Variants in FSTL4 observed in about 807,000 individuals in gnomAD.
FSTL4 encodes the protein follistatin-related protein 4.
Under a neutral mutation model 78.2 loss-of-function variants are expected in FSTL4, and 28 were observed. That is an observed-to-expected ratio of 0.36 (90% CI 0.27 to 0.49). The LOEUF is 0.49. Ranked by LOEUF, FSTL4 falls within the 20% of genes least tolerant of loss-of-function variation. FSTL4 has a pLI of 0.98. For synonymous variants in FSTL4, 422 were observed against 440.5 expected, an observed-to-expected ratio of 0.96 and a Z score of 0.53; for missense variants, 922 against 1,084.9, an observed-to-expected ratio of 0.85 and a Z score of 2.11.
At chr5:133,354,937 G>C (rs1227789227) in intron 4 of FSTL4, among the ~76,000 whole-genome samples, 1 of 152,250 alleles carries the variant, frequency 6.6e-6, no homozygotes, top group Non-Finnish European at 1.5e-5. Context: ...CTCTGTGCCT[G>C]CTGGCTCCTG....
chr5:133,250,727 G>A (rs540354999), intron 6 of FSTL4, among the ~76,000 whole-genome samples: 23 of 152,212 alleles, frequency 1.5e-4, no homozygotes, highest in Non-Finnish European at 2.8e-4. Flanking sequence ...GAAAACAGCC[G>A]CAGGTGCAAG....
chr5:133,515,865 T>G (rs890072877), intron 3 of FSTL4, among the ~76,000 whole-genome samples: 2 of 152,148 alleles, frequency 1.3e-5, no homozygotes, highest in African/African-American at 4.8e-5. Flanking sequence ...GCAAACAATA[T>G]TCAACAATTC....
intron 5 of FSTL4, among the ~76,000 whole-genome samples, 186 bp from the exon 6 acceptor site, chr5:133,312,963 G>A (rs1052213870): frequency 1.3e-5 from 2 of 152,214 alleles, no homozygotes; most frequent in African/African-American, 2.4e-5. Flanking sequence ...GGGGTTCAGA[G>A]AGGGGAAGTG....
the FSTL4 span, among the ~76,000 whole-genome samples, chr5:133,702,929 A>C: frequency 6.6e-6 from 1 of 152,158 alleles, no homozygotes; most frequent in African/African-American, 2.4e-5. Context: ...TTCTCCCTAC[A>C]TGGGGACAGA....
At chr5:133,735,306 T>A in the FSTL4 span, among the ~76,000 whole-genome samples, 3 of 152,034 alleles carry the variant, frequency 2.0e-5, no homozygotes, top group South Asian at 6.2e-4. Context: ...CTAGTAAAAA[T>A]ACAAAAATTA....
the FSTL4 span, among the ~76,000 whole-genome samples, chr5:133,692,633 A>G: frequency 0.35 from 53,735 of 151,966 alleles, 10,435 homozygotes; most frequent in African/African-American, 0.52. Context: ...CAGCAAAGGT[A>G]CAAATTCCAT....
chr5:133,356,010 C>T (rs528717759), intron 4 of FSTL4, among the ~76,000 whole-genome samples: 1 of 152,112 alleles, frequency 6.6e-6, no homozygotes, highest in African/African-American at 2.4e-5. Flanking sequence ...AGGCCTCTTA[C>T]AGAGGCTTGG....
chr5:133,571,381 G>C (rs1184908053), intron 2 of FSTL4, among the ~76,000 whole-genome samples: 1 of 152,118 alleles, frequency 6.6e-6, no homozygotes, highest in Non-Finnish European at 1.5e-5. Context: ...CCAGCATCCA[G>C]TCTAAAATTA....
chr5:133,616,727 G>A (rs1053819055), upstream of FSTL4, among the ~76,000 whole-genome samples: 4 of 151,890 alleles, frequency 2.6e-5, no homozygotes, highest in African/African-American at 7.3e-5. Flanking sequence ...CTAAATAAAC[G>A]TTCCTTTCAA....
the FSTL4 span, among the ~76,000 whole-genome samples, chr5:133,664,167 G>A: frequency 6.6e-6 from 1 of 152,086 alleles, no homozygotes; most frequent in Non-Finnish European, 1.5e-5. Flanking sequence ...TTCGAACACA[G>A]ATCAAATGAT....
At chr5:133,770,773 T>C in the FSTL4 span, among the ~76,000 whole-genome samples, 1 of 152,260 alleles carries the variant, frequency 6.6e-6, no homozygotes, top group Non-Finnish European at 1.5e-5. Flanking sequence ...TTTTGTTTGT[T>C]TGAGGACCTG....
At chr5:133,503,555 T>C (rs73788111) in intron 3 of FSTL4, among the ~76,000 whole-genome samples, 2,443 of 152,288 alleles carry the variant, frequency 0.016, 68 homozygotes, top group African/African-American at 0.056. Context: ...CACCTTCCCA[T>C]GAAAGAGGTC....
At chr5:133,360,251 C>T (rs552012423) in intron 4 of FSTL4, among the ~76,000 whole-genome samples, 5 of 152,334 alleles carry the variant, frequency 3.3e-5, no homozygotes, top group African/African-American at 7.2e-5. Flanking sequence ...ACCAGCACCT[C>T]GCTGTTCCTT....
the FSTL4 span, among the ~76,000 whole-genome samples, chr5:133,741,786 A>G: frequency 6.6e-6 from 1 of 152,164 alleles, no homozygotes; most frequent in South Asian, 2.1e-4. Flanking sequence ...CTAACACAGA[A>G]TGGCACAAGG....
Position 133,199,312 on chromosome 5 carries a change from A to G in FSTL4, c.2312T>C (p.Val771Ala), listed in dbSNP as rs757120227. The change falls in exon 16 of 16, where the codon GTG becomes GCG. Residue 771 changes from valine (V) to alanine (A), a missense_variant. By Grantham distance (64) the Val-to-Ala change is moderately conservative. Transcript: ENST00000265342. This position sits in a 1 kb window ranked among gnomAD's most constrained non-coding sequence, Gnocchi z 4.4. ...LLFLELSTGKVGMLKNLKEPP... is the reference protein window; with the variant it reads ...LLFLELSTGKAGMLKNLKEPP... ...CTCCTTTAAGTTCTTCAGCATGCCC[A>G]CCTTCCCCGTGGACAGCTCCAGGAA... The G allele has an allele frequency of 1.1e-5, 17 of 1,613,780 alleles. No homozygotes were observed. The African/African-American group carries it at 1.7e-4, about 16-fold the overall frequency.
At chr5:133,300,010 A>G (rs1250764100) in intron 6 of FSTL4, among the ~76,000 whole-genome samples, 1 of 152,158 alleles carries the variant, frequency 6.6e-6, no homozygotes, top group African/African-American at 2.4e-5. Flanking sequence ...GCCACGGAAC[A>G]TTCCATATTT....
At chr5:133,425,438 A>G (rs1756791840) in intron 3 of FSTL4, among the ~76,000 whole-genome samples, 1 of 152,194 alleles carries the variant, frequency 6.6e-6, no homozygotes, top group Admixed American at 6.5e-5. Flanking sequence ...ACAATGCCCC[A>G]CAGCAGGAGT....
In FSTL4 at chr5:133,561,033, G is replaced by A. The variant is rs1333750766; in HGVS notation, c.160+6153C>T. Among the ~76,000 whole-genome samples the A allele has an allele frequency of 9.9e-5, 15 of 150,936 alleles. No individual in the cohort carries two copies. In the East Asian group the frequency reaches 2.9e-3, roughly 30 times the overall value. On this transcript the variant is annotated intron_variant, in intron 3 of 15. Transcript: ENST00000265342. ...GAACCCGTGAGGCTGAGCTTGCAGTGAGCCGAGATCGCACCACTGCACTCC... is the reference window on the plus strand; with the variant it reads ...GAACCCGTGAGGCTGAGCTTGCAGTAAGCCGAGATCGCACCACTGCACTCC...
At chr5:133,413,780 C>G (rs1170579650) in intron 3 of FSTL4, among the ~76,000 whole-genome samples, 1 of 152,122 alleles carries the variant, frequency 6.6e-6, no homozygotes, top group African/African-American at 2.4e-5. Flanking sequence ...CGTCTTCCAG[C>G]TCTTAAATTA....
Sources: allele counts gnomAD v4.1 joint callset (sites outside exome capture counted in the v4.1 genomes callset), GRCh38; gene constraint gnomAD v4.1.1; non-coding constraint Gnocchi (gnomAD v3.1); transcripts MANE v1.5; gene names NCBI Gene and HGNC (gene_info 2026-07-23, HGNC 2026-07-21).